The following HEMK2 variants were observed in gnomAD, a reference collection of about 807,000 sequenced individuals.
HEMK2 encodes methyltransferase HEMK2.
the HEMK2 span, among the ~76,000 whole-genome samples, chr21:28,861,778 C>A: frequency 3.9e-5 from 6 of 152,118 alleles, no homozygotes; most frequent in Non-Finnish European, 8.8e-5. Flanking sequence ...GTCCAATATA[C>A]GGTACTGTTT....
chr21:28,814,218 C>G, the HEMK2 span, among the ~76,000 whole-genome samples: 1 of 152,092 alleles, frequency 6.6e-6, no homozygotes, highest in Non-Finnish European at 1.5e-5. Flanking sequence ...GCCTGGGCGA[C>G]AGAGCGAGAC....
the HEMK2 span, among the ~76,000 whole-genome samples, chr21:28,666,742 A>T: frequency 6.6e-6 from 1 of 152,162 alleles, no homozygotes. Flanking sequence ...ATCTCTTGAT[A>T]TATATAAATC....
At chr21:28,811,865 G>A in the HEMK2 span, among the ~76,000 whole-genome samples, 5 of 152,196 alleles carry the variant, frequency 3.3e-5, no homozygotes, top group African/African-American at 7.2e-5. Context: ...TAATGTTCCT[G>A]TGAATATATT....
the HEMK2 span, among the ~76,000 whole-genome samples, chr21:28,789,128 CA>C: frequency 6.6e-6 from 1 of 152,202 alleles, no homozygotes; most frequent in African/African-American, 2.4e-5. Flanking sequence ...AAAAAAAAGG[CA>C]AATATCCAGT....
At chr21:28,616,358 T>A in the HEMK2 span, among the ~76,000 whole-genome samples, 195 of 152,208 alleles carry the variant, frequency 1.3e-3, no homozygotes, top group African/African-American at 4.6e-3. Context: ...AATAAAAAAA[T>A]TATTGGAAAT....
At chr21:28,589,300 C>T in the HEMK2 span, among the ~76,000 whole-genome samples, 1 of 152,022 alleles carries the variant, frequency 6.6e-6, no homozygotes, top group African/African-American at 2.4e-5. Context: ...TGGATTTCAA[C>T]ATATGCAGTT....
chr21:28,844,223 G>A, the HEMK2 span, among the ~76,000 whole-genome samples: 1 of 151,992 alleles, frequency 6.6e-6, no homozygotes, highest in Non-Finnish European at 1.5e-5. Context: ...AATACCATCT[G>A]ATTTTAAATA....
chr21:28,787,513 T>TA, the HEMK2 span, among the ~76,000 whole-genome samples: 10 of 150,866 alleles, frequency 6.6e-5, no homozygotes, highest in Middle Eastern at 3.4e-3. Context: ...AACAAATCAG[T>TA]AAAAAAAAAG....
the HEMK2 span, among the ~76,000 whole-genome samples, chr21:28,648,588 A>C: frequency 6.6e-6 from 1 of 152,176 alleles, no homozygotes; most frequent in Non-Finnish European, 1.5e-5. Context: ...AGAAGCCCAG[A>C]ACTCTAGCAG....
At chr21:28,847,396 T>C in the HEMK2 span, among the ~76,000 whole-genome samples, 2 of 152,236 alleles carry the variant, frequency 1.3e-5, no homozygotes, top group Non-Finnish European at 2.9e-5. Flanking sequence ...TATTTTCATA[T>C]GCGTTTTGGC....
chr21:28,678,722 A>G, the HEMK2 span, among the ~76,000 whole-genome samples: 1 of 152,244 alleles, frequency 6.6e-6, no homozygotes, highest in African/African-American at 2.4e-5. Flanking sequence ...AAGCCAGAAG[A>G]GAGTGGGGGC....
the HEMK2 span, among the ~76,000 whole-genome samples, chr21:28,835,032 C>G: frequency 2.0e-5 from 3 of 152,144 alleles, no homozygotes; most frequent in African/African-American, 7.2e-5. Context: ...CCTAGCCCAG[C>G]TCCCACCTGA....
At chr21:28,635,576 AC>A in the HEMK2 span, among the ~76,000 whole-genome samples, 1 of 152,264 alleles carries the variant, frequency 6.6e-6, no homozygotes, top group African/African-American at 2.4e-5. Flanking sequence ...TCATTTAAAA[AC>A]TACTGATACT....
chr21:28,590,792 C>G, the HEMK2 span, among the ~76,000 whole-genome samples: 1 of 152,224 alleles, frequency 6.6e-6, no homozygotes, highest in African/African-American at 2.4e-5. Flanking sequence ...ACACTTGCTA[C>G]AGCTGACGAG....
At chr21:28,629,816 T>C in the HEMK2 span, among the ~76,000 whole-genome samples, 46,906 of 151,934 alleles carry the variant, frequency 0.31, 7,412 homozygotes, top group African/African-American at 0.37. Context: ...CTGGAAGGCA[T>C]ATACAGTGGC....
At chr21:28,728,511 T>A in the HEMK2 span, among the ~76,000 whole-genome samples, 1 of 152,136 alleles carries the variant, frequency 6.6e-6, no homozygotes, top group Non-Finnish European at 1.5e-5. Context: ...CTTAAGTATG[T>A]CTTCGGTAGG....
chr21:28,722,237 C>CA, the HEMK2 span, among the ~76,000 whole-genome samples: 4 of 150,604 alleles, frequency 2.7e-5, no homozygotes, highest in South Asian at 6.3e-4. Context: ...AAAGAGAATA[C>CA]AAAAAAATTT....
chr21:28,635,416 C>T, the HEMK2 span, among the ~76,000 whole-genome samples: 6 of 152,072 alleles, frequency 3.9e-5, no homozygotes, highest in African/African-American at 1.2e-4. Flanking sequence ...AAGTCTTCCT[C>T]ATGAGATTTT....
the HEMK2 span, among the ~76,000 whole-genome samples, chr21:28,594,886 T>G: frequency 1.3e-5 from 2 of 152,238 alleles, no homozygotes; most frequent in Non-Finnish European, 1.5e-5. Context: ...TAGTTGAAAT[T>G]GTTAGATCAC....
Sources: gnomAD v4.1 joint callset for allele counts (sites outside exome capture counted in the v4.1 genomes callset) on GRCh38, gnomAD v4.1.1 for gene constraint, MANE v1.5 for transcripts, NCBI Gene and HGNC (gene_info 2026-07-23, HGNC 2026-07-21) for gene names.